Variants in LRRTM4 observed in about 807,000 individuals in gnomAD.
The protein encoded by LRRTM4 is leucine-rich repeat transmembrane neuronal protein 4.
A neutral mutation model predicts 47.6 loss-of-function variants in LRRTM4; 25 were observed. That is an observed-to-expected ratio of 0.53 (90% confidence interval 0.38 to 0.73). LRRTM4 has a LOEUF of 0.73. Ranked by LOEUF, LRRTM4 falls within the 30% of genes least tolerant of loss-of-function variation. The pLI is 0.00. For missense variants in LRRTM4, 638 were observed against 713.4 expected (o/e 0.89, Z 1.20); for synonymous variants, 311 against 269.5 (o/e 1.15, Z -1.51).
At chr2:77,135,484 T>G (rs1572996245) in intron 3 of LRRTM4, among the ~76,000 whole-genome samples, 1 of 152,322 alleles carries the variant, frequency 6.6e-6, no homozygotes. Flanking sequence ...CCAGCAATGT[T>G]TGGATTAAAT....
chr2:77,419,160 AGTG>A (rs1392201190), intron 3 of LRRTM4, among the ~76,000 whole-genome samples: 33 of 152,276 alleles, frequency 2.2e-4, no homozygotes, highest in Middle Eastern at 3.4e-3. Context: ...CTGCCCTGTC[AGTG>A]GATTTATCTA....
At chr2:77,189,250 C>T (rs1349467414) in intron 3 of LRRTM4, among the ~76,000 whole-genome samples, 1 of 152,166 alleles carries the variant, frequency 6.6e-6, no homozygotes, top group Non-Finnish European at 1.5e-5. Context: ...CTCAAATGCT[C>T]AAGTCAAGAC....
chr2:77,346,223 G>A (rs1016070507), intron 3 of LRRTM4, among the ~76,000 whole-genome samples: 9 of 151,962 alleles, frequency 5.9e-5, no homozygotes, highest in African/African-American at 2.2e-4. Context: ...ACAATAATAG[G>A]CATGGGGCAG....
chr2:77,070,516 A>G (rs984811337), intron 3 of LRRTM4, among the ~76,000 whole-genome samples: 2 of 152,168 alleles, frequency 1.3e-5, no homozygotes, highest in African/African-American at 4.8e-5. Context: ...ATCACTAAAA[A>G]TTTGACAAAT....
chr2:76,928,409 C>G (rs1340966532), intron 3 of LRRTM4, among the ~76,000 whole-genome samples: 1 of 152,084 alleles, frequency 6.6e-6, no homozygotes, highest in African/African-American at 2.4e-5. Flanking sequence ...TAAAGACTTT[C>G]AATTTTGTGG....
At chr2:76,952,681 C>T (rs938539329) in intron 3 of LRRTM4, among the ~76,000 whole-genome samples, 3 of 151,886 alleles carry the variant, frequency 2.0e-5, no homozygotes, top group African/African-American at 7.2e-5. Flanking sequence ...CCAGCAATCC[C>T]ATTACTGAAT....
intron 3 of LRRTM4, among the ~76,000 whole-genome samples, chr2:76,916,002 C>T (rs1674230435): frequency 6.6e-6 from 1 of 151,848 alleles, no homozygotes; most frequent in African/African-American, 2.4e-5. Flanking sequence ...TCTATCAGCA[C>T]ATTTGAAGAT....
chr2:77,267,277 T>A (rs1429957907), intron 3 of LRRTM4, among the ~76,000 whole-genome samples: 1 of 152,182 alleles, frequency 6.6e-6, no homozygotes, highest in East Asian at 1.9e-4. Flanking sequence ...TATAGAGGAC[T>A]ACAGACTGGG....
chr2:77,494,309 T>C (rs1368584959), intron 3 of LRRTM4, among the ~76,000 whole-genome samples: 1 of 152,058 alleles, frequency 6.6e-6, no homozygotes, highest in Non-Finnish European at 1.5e-5. Context: ...ATCTGTTTGT[T>C]TTTGGTTTTG....
intron 3 of LRRTM4, among the ~76,000 whole-genome samples, chr2:77,083,512 C>T (rs1201991346): frequency 1.3e-5 from 2 of 152,032 alleles, no homozygotes; most frequent in African/African-American, 2.4e-5. Flanking sequence ...AAAAACATGA[C>T]CAAATTAGCT....
At chr2:77,345,822 AT>A (rs1671539596) in intron 3 of LRRTM4, among the ~76,000 whole-genome samples, 4 of 151,618 alleles carry the variant, frequency 2.6e-5, no homozygotes, top group Non-Finnish European at 5.9e-5. Flanking sequence ...GGAAAAACAT[AT>A]ATATATATGT....
chr2:77,413,716 CCT>C (rs534595495), intron 3 of LRRTM4, among the ~76,000 whole-genome samples: 1 of 152,032 alleles, frequency 6.6e-6, no homozygotes, highest in Non-Finnish European at 1.5e-5. Context: ...TCTCTCCTCT[CCT>C]CTCTCCCCCA....
chr2:76,778,677 G>A, intron 3 of LRRTM4, among the ~76,000 whole-genome samples: 1 of 151,656 alleles, frequency 6.6e-6, no homozygotes, highest in East Asian at 1.9e-4. Context: ...CTTGCTAGCG[G>A]TCTATCAATT....
At chr2:77,228,646 G>A (rs1668672966) in intron 3 of LRRTM4, among the ~76,000 whole-genome samples, 5 of 152,170 alleles carry the variant, frequency 3.3e-5, no homozygotes, top group African/African-American at 2.4e-5. Flanking sequence ...AAAAGCTGGT[G>A]CTACTTCCAA....
chr2:77,034,255 TCAC>T (rs1332069563), intron 3 of LRRTM4, among the ~76,000 whole-genome samples: 2 of 151,982 alleles, frequency 1.3e-5, no homozygotes, highest in East Asian at 1.9e-4. Flanking sequence ...AACATCCTTG[TCAC>T]CACAACCCAA....
chr2:77,066,656 A>G (rs1679965234), intron 3 of LRRTM4, among the ~76,000 whole-genome samples: 1 of 152,250 alleles, frequency 6.6e-6, no homozygotes, highest in Non-Finnish European at 1.5e-5. Flanking sequence ...TACTATGTAG[A>G]GAGAGGTATA....
At chr2:77,438,696 G>A (rs552893657) in intron 3 of LRRTM4, among the ~76,000 whole-genome samples, 1 of 152,090 alleles carries the variant, frequency 6.6e-6, no homozygotes, top group Non-Finnish European at 1.5e-5. Flanking sequence ...GTGAGCCAAC[G>A]TGCCCGGCGG....
intron 3 of LRRTM4, among the ~76,000 whole-genome samples, chr2:76,978,221 A>G (rs1361808959): frequency 2.6e-5 from 4 of 152,026 alleles, no homozygotes; most frequent in Non-Finnish European, 5.9e-5. Context: ...GCATTATATG[A>G]CTCAGAGGGC....
intron 3 of LRRTM4, among the ~76,000 whole-genome samples, chr2:77,437,203 G>A (rs529726647): frequency 2.6e-5 from 4 of 151,908 alleles, no homozygotes; most frequent in African/African-American, 9.7e-5. Flanking sequence ...AAGATGTTTA[G>A]TATAAAGGAA....
Sources: gnomAD v4.1 joint callset for allele counts (sites outside exome capture counted in the v4.1 genomes callset) on GRCh38, gnomAD v4.1.1 for gene constraint, MANE v1.5 for transcripts, NCBI Gene and HGNC (gene_info 2026-07-23, HGNC 2026-07-21) for gene names.